The following LRRC42 variants were observed in gnomAD, a reference collection of about 807,000 sequenced individuals.
LRRC42 encodes the protein leucine-rich repeat-containing protein 42.
In LRRC42, 43 loss-of-function variants were observed where a neutral mutation model predicts 44.3. That is an observed-to-expected ratio of 0.97 (90% CI 0.76 to 1.25). The LOEUF is 1.25. LRRC42 is among the 50% of genes most tolerant of loss of function. The pLI is 0.00. For synonymous variants in LRRC42, 207 were observed against 195.2 expected, an observed-to-expected ratio of 1.06 and a Z score of -0.50; for missense variants, 540 against 509.1, an observed-to-expected ratio of 1.06 and a Z score of -0.58.
intron 3 of LRRC42, among the ~76,000 whole-genome samples, chr1:53,957,095 G>T (rs1654862140): frequency 6.6e-6 from 1 of 152,004 alleles, no homozygotes; most frequent in African/African-American, 2.4e-5. Flanking sequence ...TCTTTTTTTG[G>T]TTGGAAGTAG....
intron 7 of LRRC42, among the ~76,000 whole-genome samples, chr1:53,964,995 A>ATTT (rs1557649612): frequency 4.4e-5 from 6 of 137,652 alleles, no homozygotes; most frequent in African/African-American, 1.8e-4. Flanking sequence ...CTGGAACTGT[A>ATTT]TTGTTTTTTT....
Position 53,962,096 on chromosome 1 carries a change from T to C in LRRC42, c.787T>C (p.Leu263=). The change falls in exon 6 of 9, where the codon TTA becomes CTA. Residue 263 remains leucine (L), a synonymous_variant. Transcript: ENST00000371370. Reference sequence around the variant, plus strand: ...CTTTTCTTTTAGGAAACTAAACTGCTTAGATATCTCTGGGACAGGGCTCAA... The same window carrying C: ...CTTTTCTTTTAGGAAACTAAACTGCCTAGATATCTCTGGGACAGGGCTCAA... ...YLFSFRKLNC[L]DISGTGLKDI... is the part of the protein sequence containing the mutation. 6.2e-7 allele frequency: 1 copy of C among 1,613,874 alleles called. No individual in the cohort carries two copies. The highest frequency in any genetic ancestry group is 2.2e-5 in the East Asian group (1 of 44,862).
intron 3 of LRRC42, among the ~76,000 whole-genome samples, chr1:53,953,427 C>T (rs1278295208): frequency 6.6e-6 from 1 of 152,130 alleles, no homozygotes; most frequent in African/African-American, 2.4e-5. Context: ...GGCACGATCT[C>T]AGCTCTCACT....
chr1:53,957,462 C>T (rs1454974507), intron 3 of LRRC42, among the ~76,000 whole-genome samples: 1 of 152,260 alleles, frequency 6.6e-6, no homozygotes, highest in Admixed American at 6.5e-5. Context: ...TCCTTTCCCT[C>T]TCCAGAGGCT....
In LRRC42 at chr1:53,952,214, T is replaced by A. The variant is rs1171104599; in HGVS notation, c.215T>A (p.Phe72Tyr). ...DTARKEKTDH[F>Y]IFTYTREGNL... ...GCACGGAAAGAGAAGACTGATCATT[T>A]CATCTTCACATACACCCGAGAGGGG... Residue 72 changes from phenylalanine to tyrosine, a missense_variant, in exon 3 of 9, where the codon TTC becomes TAC. Phe to Tyr is a conservative substitution (Grantham distance 22). Transcript: ENST00000371370. 4 of 1,614,140 alleles carry A rather than the reference T, an allele frequency of 2.5e-6. No homozygotes were observed. The highest frequency in any genetic ancestry group is 3.4e-6 in the Non-Finnish European group (4 of 1,180,056).
chr1:53,958,386 G>A (rs1654903076), intron 4 of LRRC42, 106 bp downstream of exon 4: 1 of 1,436,464 alleles, frequency 7.0e-7, no homozygotes, highest in East Asian at 2.3e-5. Context: ...TTCTTATGTT[G>A]ATTTGCTTTT....
At chr1:53,963,955 C>G (rs551960577) in intron 7 of LRRC42, among the ~76,000 whole-genome samples, 2 of 125,250 alleles carry the variant, frequency 1.6e-5, no homozygotes, top group African/African-American at 5.8e-5. Flanking sequence ...CCACCCCCCC[C>G]CCATCTTCAT....
rs139281324 is a variant in LRRC42, at chr1:53,967,793, G to A, written c.1141G>A (p.Glu381Lys). Reference protein sequence around the residue: ...PDCHGPVLKHEAISSQESKKS... With the variant: ...PDCHGPVLKHKAISSQESKKS... ...TTGCCATGGGCCAGTGTTGAAACACGAAGCTATCTCAAGCCAGGAGTCAAA... is the reference window on the plus strand; with the variant it reads ...TTGCCATGGGCCAGTGTTGAAACACAAAGCTATCTCAAGCCAGGAGTCAAA... The change falls in exon 9 of 9, where the codon GAA (glutamate) becomes AAA (lysine). Residue 381 changes from glutamate to lysine, a missense_variant. By Grantham distance (56) the Glu-to-Lys change is moderately conservative. Coordinates refer to ENST00000371370, the MANE Select transcript of LRRC42 (RefSeq NM_001256409.2). The A allele has an allele frequency of 4.2e-5, 67 of 1,614,200 alleles. No individual in the cohort carries two copies. The African/African-American group carries it at 6.1e-4, about 15-fold the overall frequency.
At chr1:53,963,899 C>T (rs1406513958) in intron 7 of LRRC42, among the ~76,000 whole-genome samples, 1 of 151,998 alleles carries the variant, frequency 6.6e-6, no homozygotes, top group East Asian at 1.9e-4. Context: ...CCTAAGATCT[C>T]CAACTTCCCT....
chr1:53,963,083 A>T (rs574794568), intron 7 of LRRC42, among the ~76,000 whole-genome samples: 1 of 152,128 alleles, frequency 6.6e-6, no homozygotes, highest in South Asian at 2.1e-4. Flanking sequence ...AGATGCTTTT[A>T]ACCAATGTTT....
intron 2 of LRRC42, among the ~76,000 whole-genome samples, chr1:53,951,665 T>TCAGCCCG (rs1328679720): frequency 6.6e-6 from 1 of 152,152 alleles, no homozygotes; most frequent in East Asian, 1.9e-4. Context: ...CCTCAGGTGA[T>TCAGCCCG]CCGCCCGCCT....
chr1:53,958,217 C>A lies in LRRC42; in HGVS notation c.542C>A (p.Ser181Tyr), dbSNP rs1557646552. 2 of 1,613,852 alleles carry A rather than the reference C, an allele frequency of 1.2e-6. No homozygotes were observed. The highest frequency in any genetic ancestry group is 1.7e-6 in the Non-Finnish European group (2 of 1,179,842). ...CGGGAGCTGACCTGCCTGGATCTTT[C>A]CTGTTGCAAGCTTGGAGATGAGCAT... Reference protein sequence around the residue: ...SFRELTCLDLSCCKLGDEHEL... With the variant: ...SFRELTCLDLYCCKLGDEHEL... The change falls in exon 4 of 9, where the codon TCC becomes TAC. Residue 181 changes from serine to tyrosine, a missense_variant. Coordinates refer to ENST00000371370, the MANE Select transcript of LRRC42 (RefSeq NM_001256409.2).
chr1:53,966,247 A>T, intron 7 of LRRC42, 49 bp from the exon 8 acceptor site: 2 of 1,433,830 alleles, frequency 1.4e-6, no homozygotes, highest in Non-Finnish European at 2.0e-6. Context: ...GCTTGAGATT[A>T]AAATCTCAAT....
At chr1:53,965,514 C>T (rs1366510370) in intron 7 of LRRC42, among the ~76,000 whole-genome samples, 3 of 149,070 alleles carry the variant, frequency 2.0e-5, no homozygotes, top group African/African-American at 5.0e-5. Context: ...GAATCTCGCT[C>T]TGTCACCTAG....
intron 7 of LRRC42, among the ~76,000 whole-genome samples, chr1:53,965,658 G>A (rs994315136): frequency 6.6e-6 from 1 of 151,000 alleles, no homozygotes; most frequent in Non-Finnish European, 1.5e-5. Flanking sequence ...TGTATTTTTA[G>A]TAGAGACGGG....
At chr1:53,954,180 T>C (rs1373673987) in intron 3 of LRRC42, among the ~76,000 whole-genome samples, 1 of 152,204 alleles carries the variant, frequency 6.6e-6, no homozygotes, top group Non-Finnish European at 1.5e-5. Flanking sequence ...AATCAGCTCA[T>C]AGAATTAATG....
chr1:53,962,782 G>A (rs114879828), intron 7 of LRRC42, among the ~76,000 whole-genome samples: 3,054 of 152,206 alleles, frequency 0.02, 84 homozygotes, highest in African/African-American at 0.068. Flanking sequence ...AATAAACTCC[G>A]GTGTCATGCA....
chr1:53,952,407 G>A lies in LRRC42; in HGVS notation c.408G>A (p.Arg136=), dbSNP rs771272095. 6.2e-7 allele frequency: 1 copy of A among 1,611,628 alleles called. No individual in the cohort carries two copies. The highest frequency in any genetic ancestry group is 8.5e-7 in the Non-Finnish European group (1 of 1,177,880). ...TCACTGAGCCAGGTGCAGGGCTGAG[G>A]GCTTTACAGAAATTCACTGAGGCCT... ...QKFTEPGAGL[R]ALQKFTEAYG... The change falls in exon 3 of 9, where the codon AGG becomes AGA. Residue 136 remains arginine (R), a synonymous_variant. Transcript: ENST00000371370.
At chr1:53,948,091 C>T (rs1654574439) in intron 2 of LRRC42, 1 of 152,208 alleles carries the variant, frequency 6.6e-6, no homozygotes, top group Non-Finnish European at 1.5e-5. Flanking sequence ...TAACACAGTG[C>T]TTGGCAACTG....
Sources: gnomAD v4.1 joint callset for allele counts (sites outside exome capture counted in the v4.1 genomes callset) on GRCh38, gnomAD v4.1.1 for gene constraint, MANE v1.5 for transcripts, NCBI Gene and HGNC (gene_info 2026-07-23, HGNC 2026-07-21) for gene names.